The following CDC73 variants were observed in gnomAD, a reference collection of about 807,000 sequenced individuals.
CDC73 encodes parafibromin.
CDC73 carries 21 observed loss-of-function variants against 83.7 expected under a neutral mutation model. The ratio of observed to expected loss-of-function variants is 0.25; its 90% confidence interval spans 0.18 to 0.36. The LOEUF is 0.36. CDC73 is among the 10% of genes least tolerant of loss of function. The pLI is 1.00. For synonymous variants in CDC73, 224 were observed against 212.9 expected, an observed-to-expected ratio of 1.05 and a Z score of -0.45; for missense variants, 342 against 653.3, an observed-to-expected ratio of 0.52 and a Z score of 5.19.
intron 10 of CDC73, among the ~76,000 whole-genome samples, chr1:193,184,404 C>G (rs1331641437): frequency 6.6e-6 from 1 of 151,886 alleles, no homozygotes; most frequent in Non-Finnish European, 1.5e-5. Context: ...CAAGAAAGTT[C>G]AGTAGTATGC....
rs71111459 is a variant in CDC73, at chr1:193,193,780, AGTGTGTGTGTGT to A, written c.973-9976_973-9965del. On this transcript the variant is annotated intron_variant, in intron 10 of 16. Transcript: ENST00000367435. ...AGAACATTTCAGCTGTCTTACTTGTAGTGTGTGTGTGTGTGTGTGTGTGTGTGTGTGTGTGTG... is the reference window on the plus strand; with the variant it reads ...AGAACATTTCAGCTGTCTTACTTGTAGTGTGTGTGTGTGTGTGTGTGTGTG... 3.4e-3 allele frequency among the ~76,000 whole-genome samples: 458 copies of A among 135,908 alleles called. 4 individuals are homozygous for A. Among genetic ancestry groups the A allele is most frequent in the East Asian group, 0.011 (48 of 4,480 alleles). 89.2% of individuals were successfully genotyped at this position (135,908 alleles called of 152,430 possible).
chr1:193,132,030 G>A (rs1675704770), intron 3 of CDC73, among the ~76,000 whole-genome samples: 1 of 152,178 alleles, frequency 6.6e-6, no homozygotes, highest in Non-Finnish European at 1.5e-5. Flanking sequence ...ATTTACAATA[G>A]TGGTGCATGG....
intron 11 of CDC73, among the ~76,000 whole-genome samples, chr1:193,208,870 G>A (rs750206763): frequency 5.9e-5 from 9 of 151,934 alleles, no homozygotes; most frequent in East Asian, 1.9e-4. Flanking sequence ...TGAACTGTTC[G>A]CCTACTTGTT....
chr1:193,230,370 C>T (rs1572213636), intron 13 of CDC73, among the ~76,000 whole-genome samples: 1 of 151,432 alleles, frequency 6.6e-6, no homozygotes, highest in Admixed American at 6.6e-5. Context: ...ACGTCTCGAA[C>T]CCCTGACCTC....
Position 193,178,400 on chromosome 1 carries a change from A to G in CDC73, c.973-25395A>G, listed in dbSNP as rs1329850960. On this transcript the variant is annotated intron_variant, in intron 10 of 16. Coordinates refer to ENST00000367435, the MANE Select transcript of CDC73 (RefSeq NM_024529.5). ...TTTTTCATGAGTCATTTTTTAAAAA[A>G]CTTTTTCCAGATGGAAATTACTATC... Among the ~76,000 whole-genome samples, 5 of 152,144 alleles carry G rather than the reference A, an allele frequency of 3.3e-5. No individual in the cohort carries two copies. In the East Asian group the frequency reaches 5.8e-4, roughly 18 times the overall value.
At chr1:193,206,010 C>T (rs1677183050) in intron 11 of CDC73, among the ~76,000 whole-genome samples, 1 of 152,064 alleles carries the variant, frequency 6.6e-6, no homozygotes, top group African/African-American at 2.4e-5. Flanking sequence ...AGGATTGTAA[C>T]TTAGTATCTG....
chr1:193,180,983 T>G (rs150296994), intron 10 of CDC73: 1 of 1,613,570 alleles, frequency 6.2e-7, no homozygotes, highest in East Asian at 2.2e-5. Flanking sequence ...AGCTTAATAC[T>G]TAAGCCCAAC....
At chr1:193,135,030 G>A (rs1019395717) in intron 3 of CDC73, among the ~76,000 whole-genome samples, 1 of 135,536 alleles carries the variant, frequency 7.4e-6, no homozygotes, top group African/African-American at 2.4e-5. Context: ...AAAAAATCTT[G>A]TCCATATATA....
intron 11 of CDC73, among the ~76,000 whole-genome samples, chr1:193,209,883 C>T (rs980047761): frequency 6.6e-6 from 1 of 152,050 alleles, no homozygotes; most frequent in South Asian, 2.1e-4. Flanking sequence ...CCTCTCCCCC[C>T]TCTCTGCCTT....
chr1:193,196,222 C>G (rs764923479), intron 10 of CDC73, among the ~76,000 whole-genome samples: 6 of 152,064 alleles, frequency 3.9e-5, no homozygotes, highest in Non-Finnish European at 8.8e-5. Flanking sequence ...ATCCAGTTTC[C>G]CCAGCACCAT....
At chr1:193,212,552 A>G in intron 13 of CDC73, 75 bp downstream of exon 13, 1 of 999,068 alleles carries the variant, frequency 1.0e-6, no homozygotes, top group Non-Finnish European at 1.5e-6. Context: ...CTGAATCAGT[A>G]TTACTTATTT....
Position 193,197,674 on chromosome 1 carries a change from C to T in CDC73, c.973-6121C>T, listed in dbSNP as rs143521482. On this transcript the variant is annotated intron_variant, in intron 10 of 16. Coordinates refer to ENST00000367435, the MANE Select transcript of CDC73 (RefSeq NM_024529.5). ...GGTGCGGTGGCTCGTGCCTGTAATC[C>T]CAGCACTTTGGGAGGCTGAGGTGGG... Among the ~76,000 whole-genome samples the T allele has an allele frequency of 9.6e-3, 1,461 of 151,912 alleles. 15 individuals carry two copies. The highest frequency in any genetic ancestry group is 0.034 in the South Asian group (164 of 4,810).
intron 13 of CDC73, among the ~76,000 whole-genome samples, chr1:193,223,887 G>A (rs973042568): frequency 3.4e-5 from 5 of 147,904 alleles, no homozygotes; most frequent in Non-Finnish European, 5.9e-5. Flanking sequence ...GTATTGATAC[G>A]TAATAGACCC....
intron 10 of CDC73, chr1:193,180,788 T>C: frequency 6.2e-7 from 1 of 1,614,134 alleles, no homozygotes; most frequent in East Asian, 2.2e-5. Flanking sequence ...AAATATTCAG[T>C]GTTGACAAAC....
At chr1:193,135,304 T>TA (rs2103121360) in intron 3 of CDC73, 87 bp from the exon 4 acceptor site, 1 of 1,108,298 alleles carries the variant, frequency 9.0e-7, no homozygotes. Context: ...TAGAAGTATA[T>TA]AAAAAACCTA....
chr1:193,155,692 G>A (rs2103136157), intron 10 of CDC73, among the ~76,000 whole-genome samples: 1 of 152,222 alleles, frequency 6.6e-6, no homozygotes, highest in South Asian at 2.1e-4. Context: ...CAGGAGAATT[G>A]TTTGAACCCA....
intron 7 of CDC73, among the ~76,000 whole-genome samples, 193 bp from the exon 8 acceptor site, chr1:193,147,674 G>A (rs1382021791): frequency 2.0e-5 from 3 of 152,124 alleles, no homozygotes; most frequent in Non-Finnish European, 4.4e-5. Flanking sequence ...TGAATACCAT[G>A]GGATTTACAA....
chr1:193,185,468 T>C (rs1204525413), intron 10 of CDC73, among the ~76,000 whole-genome samples: 2 of 152,218 alleles, frequency 1.3e-5, no homozygotes, highest in East Asian at 3.9e-4. Flanking sequence ...GATACTCTCT[T>C]TGGTTGTGTT....
At chr1:193,193,457 C>T (rs1399727777) in intron 10 of CDC73, among the ~76,000 whole-genome samples, 1 of 151,954 alleles carries the variant, frequency 6.6e-6, no homozygotes, top group East Asian at 1.9e-4. Context: ...CTTTTGTGTT[C>T]CCAATTGAAC....
Sources: gnomAD v4.1 joint callset for allele counts (sites outside exome capture counted in the v4.1 genomes callset) on GRCh38, gnomAD v4.1.1 for gene constraint, MANE v1.5 for transcripts, NCBI Gene and HGNC (gene_info 2026-07-23, HGNC 2026-07-21) for gene names.